The following TMEM163 variants were observed in gnomAD, a reference collection of about 807,000 sequenced individuals.
TMEM163 encodes the protein transmembrane protein 163.
In TMEM163, 17 loss-of-function variants were observed where a neutral mutation model predicts 29.3. The ratio of observed to expected loss-of-function variants is 0.58; its 90% CI spans 0.40 to 0.87. The LOEUF is 0.87. Among genes scored for constraint, TMEM163 ranks in the 40% least tolerant of loss-of-function variants. The pLI is 0.00. For missense variants in TMEM163, 303 were observed against 381.5 expected, an observed-to-expected ratio of 0.79 and a Z score of 1.71; for synonymous variants, 157 against 160.6, an observed-to-expected ratio of 0.98 and a Z score of 0.17.
Position 134,656,846 on chromosome 2 carries a change from G to A in TMEM163, c.322+56354C>T, listed in dbSNP as rs1683631899. On this transcript the variant is annotated intron_variant, in intron 2 of 7. Transcript: ENST00000281924. ...AAAACGCTTTTACTTTGTCTACTGA[G>A]ATGATCGTATGGTTTTTGTTTTTAA... Among the ~76,000 whole-genome samples the A allele has an allele frequency of 5.3e-5, 8 of 152,282 alleles. No homozygotes were observed. In the South Asian group the frequency reaches 1.7e-3, roughly 32 times the overall value.
intron 5 of TMEM163, among the ~76,000 whole-genome samples, chr2:134,489,597 G>A (rs2106481915): frequency 6.6e-6 from 1 of 151,896 alleles, no homozygotes; most frequent in African/African-American, 2.4e-5. Flanking sequence ...AAAAGTTGCA[G>A]TGTGTTATGT....
chr2:134,694,658 C>T (rs1684540622), intron 2 of TMEM163, among the ~76,000 whole-genome samples: 1 of 152,154 alleles, frequency 6.6e-6, no homozygotes, highest in African/African-American at 2.4e-5. Flanking sequence ...TAATAAATAT[C>T]TATTCAGTTC....
In TMEM163 at chr2:134,516,659, AT is replaced by A. The variant is rs1680066169; in HGVS notation, c.459-13663del. 2.7e-5 allele frequency among the ~76,000 whole-genome samples: 4 copies of A among 147,994 alleles called. No individual in the cohort carries two copies. The Admixed American group carries it at 2.7e-4, about 10-fold the overall frequency. ...TATTCATACTTATATTCATACATAT[AT>A]TCATACATATAGTCATACATATATG... On this transcript the variant is annotated intron_variant, in intron 4 of 7. Coordinates refer to ENST00000281924, the MANE Select transcript of TMEM163 (RefSeq NM_030923.5).
intron 4 of TMEM163, among the ~76,000 whole-genome samples, chr2:134,516,523 T>C (rs368186068): frequency 1.3e-5 from 2 of 151,354 alleles, no homozygotes; most frequent in South Asian, 2.1e-4. Flanking sequence ...ATTGCGCCAC[T>C]GCACTCCAGC....
chr2:134,575,929 G>T (rs956296262), intron 2 of TMEM163, among the ~76,000 whole-genome samples: 2 of 152,160 alleles, frequency 1.3e-5, no homozygotes, highest in Non-Finnish European at 2.9e-5. Context: ...ACAGAGGTGA[G>T]CCCAGGATGC....
At position 134,505,190 on chromosome 2, in the gene TMEM163, C is replaced by T. The variant is rs540124958; in HGVS notation, c.459-2193G>A. Among the ~76,000 whole-genome samples, 4 of 151,328 alleles carry T rather than the reference C, an allele frequency of 2.6e-5. No homozygotes were observed. The South Asian group carries it at 6.3e-4, about 24-fold the overall frequency. The stretch of plus-strand genomic sequence containing the variant: ...CTTTTCAGGTAACTTCAGTCATCAA[C>T]TCAGCACTTCCCAGCACTGAGAGCA... On this transcript the variant is annotated intron_variant, in intron 4 of 7. Coordinates refer to ENST00000281924, the MANE Select transcript of TMEM163 (RefSeq NM_030923.5).
At chr2:134,565,330 G>A (rs945658068) in intron 2 of TMEM163, among the ~76,000 whole-genome samples, 3 of 152,042 alleles carry the variant, frequency 2.0e-5, no homozygotes, top group African/African-American at 7.3e-5. Context: ...TTATGGCTGG[G>A]TGCAGTGGCT....
intron 4 of TMEM163, among the ~76,000 whole-genome samples, chr2:134,539,462 G>A (rs1680615021): frequency 6.6e-6 from 1 of 152,208 alleles, no homozygotes; most frequent in African/African-American, 2.4e-5. Context: ...TCACAGGAAA[G>A]CAATGCCAGC....
chr2:134,707,154 G>A (rs968484076), intron 2 of TMEM163, among the ~76,000 whole-genome samples: 3 of 152,176 alleles, frequency 2.0e-5, no homozygotes, highest in African/African-American at 4.8e-5. Flanking sequence ...CTTCAGTGGC[G>A]GCAGCCGGAC....
chr2:134,568,707 GAAAGAAACAAAC>G (rs1681356341), intron 2 of TMEM163, among the ~76,000 whole-genome samples: 1 of 151,574 alleles, frequency 6.6e-6, no homozygotes, highest in South Asian at 2.1e-4. Context: ...GAAAGAAAAA[GAAAGAAACAAAC>G]AAAGAAACAA....
chr2:134,707,321 G>A (rs1177330884), intron 2 of TMEM163, among the ~76,000 whole-genome samples: 2 of 152,200 alleles, frequency 1.3e-5, no homozygotes, highest in Admixed American at 1.3e-4. Flanking sequence ...GTGTAGGCAG[G>A]CACCACAGCT....
intron 2 of TMEM163, among the ~76,000 whole-genome samples, chr2:134,570,215 C>T (rs980473127): frequency 2.6e-5 from 4 of 152,114 alleles, no homozygotes; most frequent in African/African-American, 7.2e-5. Flanking sequence ...AATGAATCTT[C>T]TATCTGTGGA....
At chr2:134,621,335 C>A (rs1445019444) in intron 2 of TMEM163, among the ~76,000 whole-genome samples, 1 of 152,132 alleles carries the variant, frequency 6.6e-6, no homozygotes, top group East Asian at 1.9e-4. Context: ...AATGTTAGCA[C>A]ATGGTATGGA....
At chr2:134,580,158 G>A (rs1558952192) in intron 2 of TMEM163, among the ~76,000 whole-genome samples, 2 of 152,146 alleles carry the variant, frequency 1.3e-5, no homozygotes, top group South Asian at 2.1e-4. Flanking sequence ...AAATTGAGAC[G>A]ATGTATTTTC....
intron 2 of TMEM163, among the ~76,000 whole-genome samples, chr2:134,702,473 T>C (rs1684724215): frequency 6.6e-6 from 1 of 151,960 alleles, no homozygotes. Context: ...GGTGAAACCG[T>C]GTCTCTACAA....
At chr2:134,662,756 G>A (rs1342736939) in intron 2 of TMEM163, among the ~76,000 whole-genome samples, 1 of 152,194 alleles carries the variant, frequency 6.6e-6, no homozygotes, top group Non-Finnish European at 1.5e-5. Context: ...TTTCAAAAGA[G>A]TGAGGAACAG....
chr2:134,469,848 T>G (rs1686756112), intron 5 of TMEM163: 1 of 152,372 alleles, frequency 6.6e-6, no homozygotes, highest in African/African-American at 2.4e-5. Flanking sequence ...CAGGCCATCT[T>G]CATGGGCGCC....
chr2:134,677,252 C>A (rs1684135734), intron 2 of TMEM163, among the ~76,000 whole-genome samples: 2 of 152,184 alleles, frequency 1.3e-5, no homozygotes, highest in South Asian at 4.1e-4. Context: ...GGCCCGCTGG[C>A]CTGCGACATG....
At chr2:134,667,241 A>G (rs1243814533) in intron 2 of TMEM163, among the ~76,000 whole-genome samples, 1 of 152,234 alleles carries the variant, frequency 6.6e-6, no homozygotes, top group African/African-American at 2.4e-5. Flanking sequence ...ACAGAACCAC[A>G]GCGTTTAGCT....
Sources: allele counts gnomAD v4.1 joint callset (sites outside exome capture counted in the v4.1 genomes callset), GRCh38; gene constraint gnomAD v4.1.1; transcripts MANE v1.5; gene names NCBI Gene and HGNC (gene_info 2026-07-23, HGNC 2026-07-21).